The following LINGO2 variants were observed in gnomAD, a reference collection of about 807,000 sequenced individuals.
LINGO2 encodes leucine rich repeat and Ig domain containing 2.
Under a neutral mutation model 30.6 loss-of-function variants are expected in LINGO2, and 14 were observed. The observed-to-expected ratio is 0.46, with a 90% CI of 0.30 to 0.72. LINGO2 has a LOEUF of 0.72. Among genes scored for constraint, LINGO2 ranks in the 30% least tolerant of loss-of-function variants. LINGO2 has a pLI of 0.07. For missense variants in LINGO2, 729 were observed against 751.7 expected, an observed-to-expected ratio of 0.97 and a Z score of 0.35; for synonymous variants, 317 against 288.5, an observed-to-expected ratio of 1.10 and a Z score of -1.00.
the LINGO2 span, among the ~76,000 whole-genome samples, chr9:28,876,998 C>T: frequency 6.6e-6 from 1 of 152,066 alleles, no homozygotes; most frequent in African/African-American, 2.4e-5. Flanking sequence ...TGTCTGATGG[C>T]CAGTGATGGT....
At chr9:28,197,706 T>C (rs1465079771) in intron 4 of LINGO2, among the ~76,000 whole-genome samples, 1 of 151,908 alleles carries the variant, frequency 6.6e-6, no homozygotes, top group East Asian at 1.9e-4. Context: ...AAAGAGTAAA[T>C]GAAATTTAGA....
At chr9:29,199,369 G>A in the LINGO2 span, among the ~76,000 whole-genome samples, 1 of 151,922 alleles carries the variant, frequency 6.6e-6, no homozygotes, top group Admixed American at 6.6e-5. Flanking sequence ...CACATCCACT[G>A]TACCACTTGA....
At chr9:28,075,884 T>C (rs1825608358) in intron 4 of LINGO2, among the ~76,000 whole-genome samples, 1 of 152,108 alleles carries the variant, frequency 6.6e-6, no homozygotes. Flanking sequence ...TCTAGTAGTT[T>C]ATAATTTTAA....
the LINGO2 span, among the ~76,000 whole-genome samples, chr9:28,848,061 ATG>A: frequency 0.023 from 1,131 of 49,732 alleles, 219 homozygotes; most frequent in Middle Eastern, 0.026. Flanking sequence ...ATATATATAT[ATG>A]TATATAATAT....
chr9:28,786,812 A>C, the LINGO2 span, among the ~76,000 whole-genome samples: 1 of 152,146 alleles, frequency 6.6e-6, no homozygotes. Flanking sequence ...ATACTTCTAG[A>C]AGTAATAGAA....
the LINGO2 span, among the ~76,000 whole-genome samples, chr9:29,055,877 C>A: frequency 7.3e-6 from 1 of 137,448 alleles, no homozygotes; most frequent in Non-Finnish European, 1.6e-5. Flanking sequence ...ATCCAGGTTG[C>A]GGCAAATCCC....
intron 2 of LINGO2, among the ~76,000 whole-genome samples, chr9:28,377,857 A>G (rs1377107761): frequency 6.6e-6 from 1 of 152,154 alleles, no homozygotes; most frequent in Non-Finnish European, 1.5e-5. Flanking sequence ...TAGTCAGAAC[A>G]ATTTACGGTC....
At chr9:28,792,466 C>T in the LINGO2 span, among the ~76,000 whole-genome samples, 1 of 152,002 alleles carries the variant, frequency 6.6e-6, no homozygotes, top group Admixed American at 6.5e-5. Flanking sequence ...AACACACTAT[C>T]TTCAGCTACA....
chr9:28,205,645 T>A (rs1182172780), intron 4 of LINGO2, among the ~76,000 whole-genome samples: 1 of 152,130 alleles, frequency 6.6e-6, no homozygotes, highest in Non-Finnish European at 1.5e-5. Context: ...GAAGAAAACA[T>A]GGCAGTATTT....
intron 1 of LINGO2, among the ~76,000 whole-genome samples, chr9:28,647,819 AACT>A (rs544606180): frequency 1.9e-3 from 294 of 151,940 alleles, no homozygotes; most frequent in African/African-American, 6.8e-3. Context: ...TTCTCTATTT[AACT>A]TTTATTATTC....
intron 4 of LINGO2, among the ~76,000 whole-genome samples, chr9:28,182,945 T>G (rs781178832): frequency 8.3e-4 from 127 of 152,198 alleles, no homozygotes; most frequent in Admixed American, 1.6e-3. Flanking sequence ...GACTCAGCAA[T>G]CCCATTACAG....
intron 3 of LINGO2, among the ~76,000 whole-genome samples, chr9:28,306,913 G>A (rs185263754): frequency 6.6e-6 from 1 of 152,240 alleles, no homozygotes; most frequent in African/African-American, 2.4e-5. Context: ...CCAATAACAA[G>A]GTCTGAAATT....
intron 4 of LINGO2, among the ~76,000 whole-genome samples, chr9:28,032,512 G>A (rs1823730791): frequency 6.6e-6 from 1 of 152,224 alleles, no homozygotes; most frequent in Non-Finnish European, 1.5e-5. Context: ...AGAACCAGGT[G>A]CCAGAAATAT....
At chr9:29,122,283 A>G in the LINGO2 span, among the ~76,000 whole-genome samples, 3 of 152,106 alleles carry the variant, frequency 2.0e-5, no homozygotes, top group Non-Finnish European at 4.4e-5. Context: ...GATACTTCAT[A>G]AAGGTAATAC....
At chr9:28,952,737 A>G in the LINGO2 span, among the ~76,000 whole-genome samples, 9 of 152,310 alleles carry the variant, frequency 5.9e-5, no homozygotes, top group East Asian at 1.5e-3. Flanking sequence ...TGGAACTGCT[A>G]GATGATTGTA....
chr9:27,970,014 G>A (rs1160101916), intron 5 of LINGO2, among the ~76,000 whole-genome samples: 1 of 152,134 alleles, frequency 6.6e-6, no homozygotes, highest in Admixed American at 6.6e-5. Flanking sequence ...CTTTATCAAG[G>A]CCTCATAATG....
At chr9:29,212,133 G>A in the LINGO2 span, among the ~76,000 whole-genome samples, 39 of 152,152 alleles carry the variant, frequency 2.6e-4, no homozygotes, top group Non-Finnish European at 4.7e-4. Flanking sequence ...TCTCATCCCC[G>A]AAGTGGCTCC....
the LINGO2 span, among the ~76,000 whole-genome samples, chr9:28,961,628 G>A: frequency 6.6e-6 from 1 of 152,128 alleles, no homozygotes; most frequent in African/African-American, 2.4e-5. Flanking sequence ...GTAATGAAAA[G>A]TCTGAAAGTT....
chr9:28,184,896 A>G lies in LINGO2; in HGVS notation c.-87+110312T>C, dbSNP rs183292807. Among the ~76,000 whole-genome samples, 6 of 152,262 alleles carry G rather than the reference A, an allele frequency of 3.9e-5. No individual in the cohort carries two copies. The East Asian group carries it at 9.7e-4, about 24-fold the overall frequency. ...AGTACAAATTCTTCATTCTCTGGAG[A>G]GCATACTAATGATACGGTGGCTGTT... On this transcript the variant is annotated intron_variant, in intron 4 of 5. Coordinates refer to ENST00000379992, the Ensembl canonical transcript of LINGO2.
Sources: allele counts gnomAD v4.1 joint callset (sites outside exome capture counted in the v4.1 genomes callset), GRCh38; gene constraint gnomAD v4.1.1; transcripts MANE v1.5; gene names NCBI Gene and HGNC (gene_info 2026-07-23, HGNC 2026-07-21).